The following ATG13 variants were observed in gnomAD, a reference collection of about 807,000 sequenced individuals.
ATG13 encodes autophagy related 13.
In ATG13, 23 loss-of-function variants were observed where a neutral mutation model predicts 65.5. That is an observed-to-expected ratio of 0.35 (90% CI 0.25 to 0.50). The LOEUF (loss-of-function observed/expected upper bound fraction) is 0.50, where lower values mean the gene tolerates loss of function less well. ATG13 is among the 20% of genes least tolerant of loss of function. The pLI, the probability that ATG13 is intolerant of heterozygous loss-of-function variation, is 0.98. For missense variants in ATG13, 566 were observed against 677.0 expected, an observed-to-expected ratio of 0.84 and a Z score of 1.82; for synonymous variants, 252 against 245.2, an observed-to-expected ratio of 1.03 and a Z score of -0.26.
At chr11:46,659,596 T>G in intron 11 of ATG13, 111 bp downstream of exon 11, 5 of 817,254 alleles carry the variant, frequency 6.1e-6, no homozygotes, top group Non-Finnish European at 1.0e-5. Context: ...TGGTGATTGT[T>G]TCAAAGGGGT....
At chr11:46,622,125 A>ATATTTT (rs2047901084) in intron 1 of ATG13, among the ~76,000 whole-genome samples, 7 of 79,046 alleles carry the variant, frequency 8.9e-5, no homozygotes, top group African/African-American at 3.2e-4. Flanking sequence ...ATATATATAT[A>ATATTTT]TATTTATTTT....
At chr11:46,652,819 A>G (rs1003151056) in intron 7 of ATG13, among the ~76,000 whole-genome samples, 7 of 152,192 alleles carry the variant, frequency 4.6e-5, no homozygotes, top group Non-Finnish European at 8.8e-5. Context: ...TAAAGGCCTT[A>G]AAGGGTATTT....
rs187232940 is a variant in ATG13 at position 46,629,096 on chromosome 11, C to T, written c.-69-949C>T. ...CAGCTGGAACTACAGATGTGCGCCACCATGCCTGGCTAATTTTTGTATTTT... is the reference window on the plus strand; with the variant it reads ...CAGCTGGAACTACAGATGTGCGCCATCATGCCTGGCTAATTTTTGTATTTT... On this transcript the variant is annotated intron_variant, in intron 1 of 18. Coordinates refer to ENST00000683050, the MANE Select transcript of ATG13 (RefSeq NM_001346311.2). 1.2e-3 allele frequency among the ~76,000 whole-genome samples: 186 copies of T among 152,178 alleles called. 2 individuals carry two copies. The highest frequency in any genetic ancestry group is 4.1e-4 in the South Asian group (2 of 4,830).
chr11:46,618,030 C>A, intron 1 of ATG13, 140 bp downstream of exon 1: 1 of 396,764 alleles, frequency 2.5e-6, no homozygotes. Context: ...CCTGAGTTTT[C>A]TGTGGGAAGT....
intron 2 of ATG13, among the ~76,000 whole-genome samples, chr11:46,630,305 G>A (rs752265165): frequency 1.3e-5 from 2 of 152,156 alleles, no homozygotes; most frequent in African/African-American, 2.4e-5. Flanking sequence ...AATGAAGTTG[G>A]AACAGGAAGT....
chr11:46,644,305 T>C lies in ATG13; in HGVS notation c.14T>C (p.Leu5Pro). The change falls in exon 3 of 19, where the codon CTC becomes CCC. Residue 5 changes from leucine (L) to proline (P), a missense_variant. By Grantham distance (98) the Leu-to-Pro change is moderately conservative. Around this residue, in one of 2 missense-constraint regions of ATG13, gnomAD observed 179 missense variants for 267.2 expected, o/e 0.67. Transcript: ENST00000683050. ...TTCCTATAGGCAATGGAAACTGATC[T>C]CAATTCCCAGGACAGAAAGGACCTG... METD[L>P]NSQDRKDLDK... 6.2e-7 allele frequency: 1 copy of C among 1,605,942 alleles called. No homozygotes were observed. The highest frequency in any genetic ancestry group is 1.7e-5 in the Admixed American group (1 of 57,508).
At chr11:46,653,671 G>A (rs567102831) in intron 7 of ATG13, among the ~76,000 whole-genome samples, 6 of 150,978 alleles carry the variant, frequency 4.0e-5, no homozygotes, top group Admixed American at 6.6e-5. Context: ...CCAGGTTCAC[G>A]CCATTCTCCT....
At position 46,664,013 on chromosome 11, in the gene ATG13, C is replaced by T. The variant is rs762972123; in HGVS notation, c.806C>T (p.Thr269Ile). Residue 269 changes from threonine (T) to isoleucine (I), a missense_variant, in exon 12 of 19, where the codon ACA becomes ATA. Physicochemically the swap from Thr to Ile is moderately conservative, Grantham distance 89. Transcript: ENST00000683050. ...SPPSQCVFTVTKAHFQTPTPV... is the reference protein window; with the variant it reads ...SPPSQCVFTVIKAHFQTPTPV... Reference sequence around the variant, plus strand: ...TGTGCACAGTGTGTGTTTACTGTCACAAAGGCACATTTTCAGACCCCTACT... The same window carrying T: ...TGTGCACAGTGTGTGTTTACTGTCATAAAGGCACATTTTCAGACCCCTACT... 6.4e-7 allele frequency: 1 copy of T among 1,565,574 alleles called. No individual in the cohort carries two copies. Among genetic ancestry groups the T allele is most frequent in the Non-Finnish European group, 8.6e-7 (1 of 1,160,860 alleles).
At position 46,643,748 on chromosome 11, in the gene ATG13, G is replaced by A. The variant is rs746076951; in HGVS notation, c.-13-531G>A. Among the ~76,000 whole-genome samples, 160 of 152,030 alleles carry A rather than the reference G, an allele frequency of 1.1e-3. 1 individual carries two copies. The highest frequency in any genetic ancestry group is 1.9e-3 in the Non-Finnish European group (127 of 68,012). On this transcript the variant is annotated intron_variant, in intron 2 of 18. Coordinates refer to ENST00000683050, the MANE Select transcript of ATG13 (RefSeq NM_001346311.2). Reference sequence around the variant, plus strand: ...TGGGATTACAGGCATGACCCATAGCGGCCAGCCAGGGAGGGCATTCATGGT... The same window carrying A: ...TGGGATTACAGGCATGACCCATAGCAGCCAGCCAGGGAGGGCATTCATGGT...
At chr11:46,632,194 T>C (rs868365406) in intron 2 of ATG13, 2 of 152,198 alleles carry the variant, frequency 1.3e-5, no homozygotes, top group Admixed American at 1.3e-4. Context: ...GTATAATTTT[T>C]TTTTACCTGA....
chr11:46,659,298 C>A, intron 10 of ATG13, 94 bp from the exon 11 acceptor site: 1 of 969,974 alleles, frequency 1.0e-6, no homozygotes, highest in Non-Finnish European at 1.6e-6. Flanking sequence ...CCGTTCTTAG[C>A]ACAGGTCCCA....
chr11:46,646,777 T>C (rs1021913915), intron 5 of ATG13, among the ~76,000 whole-genome samples: 1 of 151,564 alleles, frequency 6.6e-6, no homozygotes, highest in Non-Finnish European at 1.5e-5. Context: ...TTTTGTTTTT[T>C]GAGACAGGGT....
intron 10 of ATG13, 42 bp downstream of exon 10, chr11:46,657,664 C>T: frequency 6.8e-7 from 1 of 1,481,380 alleles, no homozygotes; most frequent in South Asian, 1.3e-5. Flanking sequence ...TGCAGCTGGG[C>T]AGAAGCATCC....
At chr11:46,618,121 C>T (rs1459687087) in intron 1 of ATG13, 1 of 383,274 alleles carries the variant, frequency 2.6e-6, no homozygotes, top group Non-Finnish European at 4.6e-6. Flanking sequence ...TCCACTTTTT[C>T]AGCTCCTTGG....
intron 9 of ATG13, 104 bp downstream of exon 9, chr11:46,657,295 A>T: frequency 8.9e-7 from 1 of 1,129,880 alleles, no homozygotes; most frequent in South Asian, 1.3e-5. Flanking sequence ...TGCTGAAAGC[A>T]GTACCTTCAG....
intron 1 of ATG13, among the ~76,000 whole-genome samples, chr11:46,624,201 G>A (rs920129803): frequency 7.3e-5 from 11 of 151,238 alleles, no homozygotes; most frequent in Non-Finnish European, 1.6e-4. Flanking sequence ...AAAGGGTTTC[G>A]CCATGTTGGC....
intron 16 of ATG13, 51 bp from the exon 17 acceptor site, chr11:46,668,743 C>T (rs373682905): frequency 1.3e-6 from 2 of 1,533,428 alleles, no homozygotes; most frequent in Non-Finnish European, 1.8e-6. Context: ...TTTACAGTAA[C>T]TTGAATCTGG....
At chr11:46,667,087 C>A (rs2062541726) in intron 14 of ATG13, among the ~76,000 whole-genome samples, 1 of 152,146 alleles carries the variant, frequency 6.6e-6, no homozygotes, top group African/African-American at 2.4e-5. Flanking sequence ...AGACAGAGGC[C>A]CCTGTGTGGA....
At chr11:46,633,052 T>C (rs2052538965) in intron 2 of ATG13, among the ~76,000 whole-genome samples, 1 of 129,568 alleles carries the variant, frequency 7.7e-6, no homozygotes, top group Non-Finnish European at 1.6e-5. Context: ...GGCAACGGGG[T>C]CTTGCTCTGT....
Sources: gnomAD v4.1 joint callset for allele counts (sites outside exome capture counted in the v4.1 genomes callset) on GRCh38, gnomAD v4.1.1 for gene constraint, gnomAD v4.1.1 regional missense constraint, MANE v1.5 for transcripts, NCBI Gene and HGNC (gene_info 2026-07-23, HGNC 2026-07-21) for gene names.